The following MAN2A1 variants were observed in gnomAD, a reference collection of about 807,000 sequenced individuals.
MAN2A1 encodes the protein alpha-mannosidase 2.
A neutral mutation model predicts 142.6 loss-of-function variants in MAN2A1; 76 were observed. That is an observed-to-expected ratio of 0.53 (90% CI 0.44 to 0.65). The LOEUF (loss-of-function observed/expected upper bound fraction) is 0.65. MAN2A1 is among the 30% of genes least tolerant of loss of function. The pLI, the probability that MAN2A1 is intolerant of heterozygous loss-of-function variation, is 0.00. For synonymous variants in MAN2A1, 559 were observed against 473.2 expected (o/e 1.18, Z -2.35); for missense variants, 1,311 against 1,365.1 (o/e 0.96, Z 0.62).
At chr5:109,753,319 A>G (rs1468636688) in intron 4 of MAN2A1, among the ~76,000 whole-genome samples, 1 of 152,230 alleles carries the variant, frequency 6.6e-6, no homozygotes, top group Non-Finnish European at 1.5e-5. Context: ...AATTGTATGC[A>G]TAGGTCTATT....
chr5:109,779,313 T>C (rs1753382879), intron 8 of MAN2A1, among the ~76,000 whole-genome samples: 1 of 152,158 alleles, frequency 6.6e-6, no homozygotes, highest in African/African-American at 2.4e-5. Flanking sequence ...TACTTTATTG[T>C]TAATACTAAT....
At chr5:109,828,328 C>T (rs1051153541) in intron 16 of MAN2A1, among the ~76,000 whole-genome samples, 1 of 152,096 alleles carries the variant, frequency 6.6e-6, no homozygotes, top group African/African-American at 2.4e-5. Flanking sequence ...TTAAACATTA[C>T]CATATAGGCT....
intron 4 of MAN2A1, among the ~76,000 whole-genome samples, chr5:109,745,056 A>C (rs978817037): frequency 1.3e-5 from 2 of 152,114 alleles, no homozygotes; most frequent in African/African-American, 4.8e-5. Flanking sequence ...GACTCAACTG[A>C]TCTATTGTGA....
At chr5:109,823,385 G>A (rs1754677894) in intron 15 of MAN2A1, among the ~76,000 whole-genome samples, 3 of 152,252 alleles carry the variant, frequency 2.0e-5, no homozygotes, top group Admixed American at 1.3e-4. Context: ...ATTTACCTGG[G>A]AAAATGTAAC....
At chr5:109,778,304 A>G (rs998321503) in intron 8 of MAN2A1, among the ~76,000 whole-genome samples, 5 of 152,078 alleles carry the variant, frequency 3.3e-5, no homozygotes, top group East Asian at 1.9e-4. Context: ...GATTTCCTAT[A>G]TATGAGTAAT....
chr5:109,843,964 C>T (rs1755282003), intron 17 of MAN2A1, among the ~76,000 whole-genome samples: 1 of 152,224 alleles, frequency 6.6e-6, no homozygotes, highest in South Asian at 2.1e-4. Context: ...ATTTTCTCTT[C>T]TATGATTTCC....
intron 4 of MAN2A1, among the ~76,000 whole-genome samples, chr5:109,732,333 G>C (rs1751939289): frequency 6.6e-6 from 1 of 151,984 alleles, no homozygotes; most frequent in Non-Finnish European, 1.5e-5. Flanking sequence ...TCTGATGGTA[G>C]TTTCTTTTGC....
intron 1 of MAN2A1, among the ~76,000 whole-genome samples, chr5:109,699,173 A>C (rs1197864017): frequency 6.6e-6 from 1 of 152,198 alleles, no homozygotes; most frequent in African/African-American, 2.4e-5. Flanking sequence ...CTGTCAGTCA[A>C]GGAATTTGGT....
intron 1 of MAN2A1, among the ~76,000 whole-genome samples, chr5:109,697,019 G>A (rs571631751): frequency 4.6e-5 from 7 of 152,294 alleles, no homozygotes; most frequent in African/African-American, 1.2e-4. Flanking sequence ...CCAATTGGAC[G>A]TGTGTATTCT....
In MAN2A1 at chr5:109,845,921, G is replaced by T; in HGVS notation, c.2757G>T (p.Met919Ile). 6.2e-7 allele frequency: 1 copy of T among 1,613,718 alleles called. No homozygotes were observed. ...CTCTTCAAGCAAATGTCTATCCCAT[G>T]ACCACAATGGCCTATATCCAGGATG... is the stretch of plus-strand genomic sequence containing the variant. The part of the protein sequence containing the change: ...KLPLQANVYP[M>I]TTMAYIQDAK... Residue 919 changes from methionine (M) to isoleucine (I), a missense_variant, in exon 18 of 22, where the codon ATG (methionine) becomes ATT (isoleucine). Around this residue, in one of 3 missense-constraint regions of MAN2A1, gnomAD observed 890 missense variants for 920.5 expected, o/e 0.97. Transcript: ENST00000261483.
chr5:109,763,434 A>G (rs1213008256), intron 5 of MAN2A1, among the ~76,000 whole-genome samples: 2 of 151,264 alleles, frequency 1.3e-5, no homozygotes, highest in Non-Finnish European at 3.0e-5. Flanking sequence ...ATTTCTTTGT[A>G]TTGTAGCTTT....
At chr5:109,735,464 G>A (rs1025880519) in intron 4 of MAN2A1, among the ~76,000 whole-genome samples, 1 of 152,128 alleles carries the variant, frequency 6.6e-6, no homozygotes, top group African/African-American at 2.4e-5. Context: ...TTTCTTCCTA[G>A]CCTCGATGGT....
rs964912955 is a variant in MAN2A1 at position 109,779,548 on chromosome 5, TACAC to T, written c.1375-1839_1375-1836del. Among the ~76,000 whole-genome samples the T allele has an allele frequency of 1.8e-4, 23 of 126,482 alleles. 1 individual carries two copies. The highest frequency in any genetic ancestry group is 3.3e-4 in the Admixed American group (4 of 12,204). 83.0% of individuals were successfully genotyped at this position (126,482 alleles called of 152,430 possible). On this transcript the variant is annotated intron_variant, in intron 8 of 21. Transcript: ENST00000261483. ...ATTCGTGACTCATTTCTTTTATGGT[TACAC>T]ACACACACGCGTGCACACACACACA...
rs186819198 is a variant in MAN2A1, at chr5:109,858,582, C to A, written c.3171+3248C>A. Among the ~76,000 whole-genome samples the A allele has an allele frequency of 5.3e-5, 8 of 152,308 alleles. No homozygotes were observed. In the East Asian group the frequency reaches 9.7e-4, roughly 18 times the overall value. Reference sequence around the variant, plus strand: ...TTTGGAGAATGCAACTCATTTTTCCCCTTGAAATAATGTCAAAATAGACAT... The same window carrying A: ...TTTGGAGAATGCAACTCATTTTTCCACTTGAAATAATGTCAAAATAGACAT... On this transcript the variant is annotated intron_variant, in intron 20 of 21. Coordinates refer to ENST00000261483, the MANE Select transcript of MAN2A1 (RefSeq NM_002372.4).
At chr5:109,735,804 G>T (rs1341556069) in intron 4 of MAN2A1, among the ~76,000 whole-genome samples, 1 of 150,750 alleles carries the variant, frequency 6.6e-6, no homozygotes, top group African/African-American at 2.4e-5. Flanking sequence ...TAATCTTTTT[G>T]GATTTTGATG....
chr5:109,710,524 A>G (rs1304355481), intron 1 of MAN2A1, among the ~76,000 whole-genome samples: 1 of 148,748 alleles, frequency 6.7e-6, no homozygotes, highest in East Asian at 2.0e-4. Flanking sequence ...TTTTTTTTTG[A>G]GACGGAGTCT....
chr5:109,762,276 A>G (rs765879908), intron 5 of MAN2A1, among the ~76,000 whole-genome samples: 2 of 152,010 alleles, frequency 1.3e-5, no homozygotes, highest in African/African-American at 2.4e-5. Flanking sequence ...TGTGTTATTT[A>G]TTTTTTAAAG....
intron 8 of MAN2A1, among the ~76,000 whole-genome samples, chr5:109,778,186 C>T (rs772451617): frequency 4.0e-5 from 6 of 151,788 alleles, no homozygotes; most frequent in East Asian, 1.9e-4. Context: ...AATCGATGAA[C>T]GTGGTGTATT....
chr5:109,738,277 T>C (rs1360556472), intron 4 of MAN2A1, among the ~76,000 whole-genome samples: 2 of 151,422 alleles, frequency 1.3e-5, no homozygotes, highest in Non-Finnish European at 2.9e-5. Context: ...CTTTGTTGGC[T>C]TCTGTATTAG....
Sources: gnomAD v4.1 joint callset for allele counts (sites outside exome capture counted in the v4.1 genomes callset) on GRCh38, gnomAD v4.1.1 for gene constraint, gnomAD v4.1.1 regional missense constraint, MANE v1.5 for transcripts, NCBI Gene and HGNC (gene_info 2026-07-23, HGNC 2026-07-21) for gene names.